Variants in BIRC3 observed in about 807,000 individuals in gnomAD.
BIRC3 encodes the protein baculoviral IAP repeat-containing protein 3.
In BIRC3, 26 loss-of-function variants were observed where a neutral mutation model predicts 59.0. The observed-to-expected ratio is 0.44, with a 90% confidence interval of 0.32 to 0.61. The LOEUF (loss-of-function observed/expected upper bound fraction) is 0.61, where lower values mean the gene tolerates loss of function less well. BIRC3 is among the 20% of genes least tolerant of loss of function. The probability of loss-of-function intolerance (pLI) is 0.04; values close to 1 mark genes in which losing one functional copy is unlikely to be tolerated. For missense variants in BIRC3, 641 were observed against 711.5 expected (o/e 0.90, Z 1.13); for synonymous variants, 243 against 249.2 (o/e 0.98, Z 0.24).
At chr11:102,327,058 A>T (rs1466699987) in intron 3 of BIRC3, among the ~76,000 whole-genome samples, 2 of 152,126 alleles carry the variant, frequency 1.3e-5, no homozygotes, top group Non-Finnish European at 2.9e-5. Context: ...CAGTAGACTG[A>T]GGGGCTCCTG....
At chr11:102,319,035 G>T (rs962893218) in intron 1 of BIRC3, among the ~76,000 whole-genome samples, 1 of 147,794 alleles carries the variant, frequency 6.8e-6, no homozygotes, top group Non-Finnish European at 1.5e-5. Context: ...AAGTGTGGTT[G>T]AAAGAGGATT....
At chr11:102,332,195 T>G (rs574165779) in intron 6 of BIRC3, among the ~76,000 whole-genome samples, 1 of 152,194 alleles carries the variant, frequency 6.6e-6, no homozygotes, top group African/African-American at 2.4e-5. Flanking sequence ...GGCACATACA[T>G]TCTCATCTGG....
chr11:102,325,106 T>G lies in BIRC3; in HGVS notation c.597T>G (p.Pro199=). 1 of 1,614,202 alleles carries G rather than the reference T, an allele frequency of 6.2e-7. No individual in the cohort carries two copies. Among genetic ancestry groups the G allele is most frequent in the Non-Finnish European group, 8.5e-7 (1 of 1,180,022 alleles). ...AAGCAGGCTTTTACTACATAGGACCTGGAGACAGAGTGGCTTGCTTTGCCT... is the reference window on the plus strand; with the variant it reads ...AAGCAGGCTTTTACTACATAGGACCGGGAGACAGAGTGGCTTGCTTTGCCT... ...LAKAGFYYIG[P]GDRVACFACG... Residue 199 remains proline (P), a synonymous_variant, in exon 2 of 9, where the codon CCT becomes CCG. Transcript: ENST00000263464.
At chr11:102,321,516 A>G (rs940453604) in intron 1 of BIRC3, among the ~76,000 whole-genome samples, 2 of 151,894 alleles carry the variant, frequency 1.3e-5, no homozygotes, top group Non-Finnish European at 2.9e-5. Context: ...CACCACACCC[A>G]GCTAATTTTT....
chr11:102,333,211 C>A (rs1242652498), intron 6 of BIRC3, among the ~76,000 whole-genome samples: 2 of 151,862 alleles, frequency 1.3e-5, no homozygotes, highest in Non-Finnish European at 2.9e-5. Flanking sequence ...TATAGTTTCC[C>A]AAGAATAGTA....
rs145238414 is a variant in BIRC3, at chr11:102,322,535, A to G, written c.-1975A>G. 405 of 206,020 alleles carry G rather than the reference A, an allele frequency of 2.0e-3. 2 individuals are homozygous for G. The highest frequency in any genetic ancestry group is 3.1e-3 in the Non-Finnish European group (317 of 100,792). The allele number at this position is 206,020 out of a possible 1,614,324, so 12.8% of individuals were successfully genotyped here. ...GAAGGTTACATTTTAGGAAATGAAGAAACTTAGAAAATTAATATAAAGACA... is the reference window on the plus strand; with the variant it reads ...GAAGGTTACATTTTAGGAAATGAAGGAACTTAGAAAATTAATATAAAGACA... On this transcript the variant is annotated 5_prime_UTR_variant, in exon 2 of 9. Transcript: ENST00000263464.
intron 3 of BIRC3, 99 bp downstream of exon 3, chr11:102,325,664 A>G: frequency 1.7e-6 from 2 of 1,169,494 alleles, no homozygotes; most frequent in Non-Finnish European, 2.4e-6. Context: ...TCTGTTCCAA[A>G]TATATATTTG....
chr11:102,327,840 G>A (rs1951100612), intron 3 of BIRC3, among the ~76,000 whole-genome samples: 1 of 151,564 alleles, frequency 6.6e-6, no homozygotes, highest in South Asian at 2.1e-4. Context: ...TTTTTTAAAA[G>A]CAATACAATA....
chr11:102,338,835 G>A lies in BIRC3; in HGVS notation c.*1733G>A, dbSNP rs1336193537. On this transcript the variant is annotated 3_prime_UTR_variant, in exon 9 of 9. Coordinates refer to ENST00000263464, the MANE Select transcript of BIRC3 (RefSeq NM_001165.5). ...TTTCTATGACCTACCTTGGGGAAGA[G>A]GAATTCAAGTTTCTGTGGCTTGCCT... 2 of 224,524 alleles carry A rather than the reference G, an allele frequency of 8.9e-6. No homozygotes were observed. Among genetic ancestry groups the A allele is most frequent in the Non-Finnish European group, 1.8e-5 (2 of 112,746 alleles). The allele number at this position is 224,524 out of a possible 1,614,324, so 13.9% of individuals were successfully genotyped here.
Position 102,324,670 on chromosome 11 carries a change from G to C in BIRC3, c.161G>C (p.Gly54Ala), listed in dbSNP as rs1254995766. The change falls in exon 2 of 9, where the codon GGT (glycine) becomes GCT (alanine). Residue 54 changes from glycine (G) to alanine (A), a missense_variant. Gly to Ala is a moderately conservative substitution (Grantham distance 60). Around this residue, in one of 4 missense-constraint regions of BIRC3, gnomAD observed 329 missense variants for 365.6 expected, o/e 0.90. Transcript: ENST00000263464. ...PVSERSLARA[G>A]FYYTGVNDKV... ...TCAGAAAGGAGTCTTGCTCGTGCTG[G>C]TTTCTATTACACTGGTGTGAATGAC... The C allele has an allele frequency of 1.2e-6, 2 of 1,614,172 alleles. No individual in the cohort carries two copies.
chr11:102,324,999 T>C lies in BIRC3; in HGVS notation c.490T>C (p.Cys164Arg). Residue 164 changes from cysteine to arginine, a missense_variant, in exon 2 of 9, where the codon TGT becomes CGT. Transcript: ENST00000263464. ...TGCCTTGATGAGAAGTTCCTACCAC[T>C]GTGCAATGAATAACGAAAATGCCAG... ...FSALMRSSYH[C>R]AMNNENARLL... 6.2e-7 allele frequency: 1 copy of C among 1,614,194 alleles called. No individual in the cohort carries two copies. The highest frequency in any genetic ancestry group is 8.5e-7 in the Non-Finnish European group (1 of 1,180,036).
chr11:102,332,135 A>G (rs1951148849), intron 6 of BIRC3, among the ~76,000 whole-genome samples: 1 of 152,176 alleles, frequency 6.6e-6, no homozygotes. Flanking sequence ...GTCCTTCCAT[A>G]CTAAACGTAT....
chr11:102,337,163 A>G lies in BIRC3; in HGVS notation c.*61A>G. 1 of 1,247,158 alleles carries G rather than the reference A, an allele frequency of 8.0e-7. No individual in the cohort carries two copies. Among genetic ancestry groups the G allele is most frequent in the Admixed American group, 3.8e-5 (1 of 26,582 alleles). The allele number at this position is 1,247,158 out of a possible 1,614,324, so 77.3% of individuals were successfully genotyped here. A position where few individuals can be genotyped will look rare whatever the true frequency, so the allele number is the denominator to read the frequency against. ...ATTTATTAAATGTATTATAACTTTA[A>G]CTTTTATCCTAATTTGGTTTCCTTA... On this transcript the variant is annotated 3_prime_UTR_variant, in exon 9 of 9. Transcript: ENST00000263464.
intron 1 of BIRC3, among the ~76,000 whole-genome samples, chr11:102,318,234 G>T (rs1950993957): frequency 6.6e-6 from 1 of 152,136 alleles, no homozygotes; most frequent in Non-Finnish European, 1.5e-5. Context: ...TAAGAAGCAG[G>T]TACCATAATT....
At chr11:102,336,579 C>G (rs959086034) in intron 7 of BIRC3, 181 bp from the exon 8 acceptor site, 1 of 647,772 alleles carries the variant, frequency 1.5e-6, no homozygotes, top group African/African-American at 1.9e-5. Flanking sequence ...GGGTGACAGA[C>G]TCTGTCTCAA....
Position 102,324,767 on chromosome 11 carries a change from T to C in BIRC3, c.258T>C (p.His86=), listed in dbSNP as rs573416632. The C allele has an allele frequency of 2.5e-6, 4 of 1,614,192 alleles. No individual in the cohort carries two copies. The highest frequency in any genetic ancestry group is 2.2e-5 in the South Asian group (2 of 91,086). Residue 86 remains histidine (H), a synonymous_variant, in exon 2 of 9, where the codon CAT becomes CAC. Transcript: ENST00000263464. ...WKRGDSPTEK[H]KKLYPSCRFV... ...GAGGAGACAGTCCTACTGAAAAGCA[T>C]AAAAAGTTGTATCCTAGCTGCAGAT...
At chr11:102,326,110 A>C (rs1951077514) in intron 3 of BIRC3, among the ~76,000 whole-genome samples, 1 of 152,208 alleles carries the variant, frequency 6.6e-6, no homozygotes, top group South Asian at 2.1e-4. Flanking sequence ...TTGATCACCT[A>C]TTGGCAGGCA....
chr11:102,334,684 C>A (rs1951178841), intron 6 of BIRC3, among the ~76,000 whole-genome samples: 1 of 152,046 alleles, frequency 6.6e-6, no homozygotes, highest in South Asian at 2.1e-4. Flanking sequence ...AATTAATAAA[C>A]TTAGATTCAT....
At chr11:102,326,649 A>G (rs1200449604) in intron 3 of BIRC3, 8 of 446,140 alleles carry the variant, frequency 1.8e-5, no homozygotes, top group Non-Finnish European at 3.1e-5. Flanking sequence ...TTTTTTCTAA[A>G]TGGGAAATGG....
Sources: gnomAD v4.1 joint callset for allele counts (sites outside exome capture counted in the v4.1 genomes callset) on GRCh38, gnomAD v4.1.1 for gene constraint, gnomAD v4.1.1 regional missense constraint, MANE v1.5 for transcripts, NCBI Gene and HGNC (gene_info 2026-07-23, HGNC 2026-07-21) for gene names.